Variants in PHTF2 observed in about 807,000 individuals in gnomAD.
The protein encoded by PHTF2 is putative homeodomain transcription factor 2.
In PHTF2, 60 loss-of-function variants were observed where a neutral mutation model predicts 101.2. The ratio of observed to expected loss-of-function variants is 0.59; its 90% CI spans 0.48 to 0.73. The LOEUF is 0.73. PHTF2 is among the 30% of genes least tolerant of loss of function. The pLI is 0.00. For synonymous variants in PHTF2, 311 were observed against 307.3 expected (o/e 1.01, Z -0.13); for missense variants, 747 against 908.7 (o/e 0.82, Z 2.29).
At chr7:77,863,062 T>C (rs948907756) in intron 3 of PHTF2, among the ~76,000 whole-genome samples, 6 of 152,224 alleles carry the variant, frequency 3.9e-5, no homozygotes, top group African/African-American at 1.2e-4. Context: ...GCTGAAGATA[T>C]ACAACCTAAA....
At chr7:77,850,699 TG>T (rs1263815092) in intron 2 of PHTF2, among the ~76,000 whole-genome samples, 6 of 151,534 alleles carry the variant, frequency 4.0e-5, no homozygotes, top group South Asian at 2.1e-4. Flanking sequence ...GTGGGGGCTT[TG>T]GGGGGAAAAA....
chr7:77,956,796 AT>A (rs1425751876), exon 20 of PHTF2: 2 of 152,538 alleles, frequency 1.3e-5, no homozygotes, highest in African/African-American at 4.8e-5. Flanking sequence ...AAAAAATCTT[AT>A]TTCAGAATGG....
intron 1 of PHTF2, among the ~76,000 whole-genome samples, chr7:77,830,786 A>G (rs1256706404): frequency 2.6e-5 from 4 of 152,332 alleles, no homozygotes; most frequent in African/African-American, 9.6e-5. Context: ...ATCTGGTGAC[A>G]GGCTTTAAGT....
chr7:77,813,358 T>G (rs1449844184), intron 1 of PHTF2, among the ~76,000 whole-genome samples: 1 of 152,228 alleles, frequency 6.6e-6, no homozygotes, highest in Non-Finnish European at 1.5e-5. Context: ...TCAGCTGTGC[T>G]TTATACTACC....
chr7:77,909,097 C>T, intron 8 of PHTF2, 139 bp downstream of exon 7: 2 of 508,110 alleles, frequency 3.9e-6, no homozygotes, highest in Non-Finnish European at 3.4e-6. Flanking sequence ...GCTTCAGAAT[C>T]AATTACCAGA....
At position 77,949,764 on chromosome 7, in the gene PHTF2, A is replaced by G. The variant is rs200105403; in HGVS notation, c.2046A>G (p.Leu682=). 4.5e-6 allele frequency: 7 copies of G among 1,544,034 alleles called. No homozygotes were observed. In the East Asian group the frequency reaches 1.1e-4, roughly 25 times the overall value. The change falls in exon 17 of 20, where the codon CTA becomes CTG. Residue 682 remains leucine, a synonymous_variant. Transcript: ENST00000416283. ...GCATCTCGTTAACACTTTTTCTCCT[A>G]AGATTTGTTACCCTTGGATCAGAAA... is the stretch of plus-strand genomic sequence containing the variant.
chr7:77,889,189 G>A (rs1395985969), intron 3 of PHTF2, among the ~76,000 whole-genome samples: 1 of 152,138 alleles, frequency 6.6e-6, no homozygotes, highest in Non-Finnish European at 1.5e-5. Context: ...GTAGAATTAT[G>A]TTTCATTCAG....
chr7:77,840,366 A>G, intron 2 of PHTF2, 66 bp downstream of exon 2: 1 of 939,126 alleles, frequency 1.1e-6, no homozygotes, highest in Non-Finnish European at 1.7e-6. Flanking sequence ...TGTTTATTTC[A>G]TGCTATAGAT....
At chr7:77,806,700 G>A (rs1022383721) in intron 1 of PHTF2, among the ~76,000 whole-genome samples, 3 of 151,908 alleles carry the variant, frequency 2.0e-5, no homozygotes, top group Admixed American at 6.6e-5. Context: ...TAAGTCTATC[G>A]TCTTGCTATT....
chr7:77,911,202 A>T (rs533384145), intron 9 of PHTF2, among the ~76,000 whole-genome samples: 1 of 151,546 alleles, frequency 6.6e-6, no homozygotes, highest in South Asian at 2.1e-4. Context: ...TTTGCATACA[A>T]CTATACAAAA....
chr7:77,904,707 T>TA (rs1285691573), intron 7 of PHTF2, among the ~76,000 whole-genome samples: 5 of 152,218 alleles, frequency 3.3e-5, no homozygotes, highest in African/African-American at 1.2e-4. Context: ...TTTAAGGCCT[T>TA]ACACTTACGA....
At chr7:77,803,839 A>G (rs1226364827) in intron 1 of PHTF2, among the ~76,000 whole-genome samples, 1 of 152,118 alleles carries the variant, frequency 6.6e-6, no homozygotes, top group African/African-American at 2.4e-5. Flanking sequence ...TTGAATAATC[A>G]TTTTACCCAC....
At chr7:77,926,689 G>A (rs773094001) in intron 11 of PHTF2, among the ~76,000 whole-genome samples, 2 of 151,986 alleles carry the variant, frequency 1.3e-5, no homozygotes, top group African/African-American at 2.4e-5. Flanking sequence ...AATATTGGCC[G>A]CACATTCAGT....
chr7:77,829,305 ATCT>A (rs1326557539), intron 1 of PHTF2, among the ~76,000 whole-genome samples: 1 of 152,240 alleles, frequency 6.6e-6, no homozygotes, highest in South Asian at 2.1e-4. Flanking sequence ...ATTATGTATC[ATCT>A]TCTAGCCCAA....
intron 4 of PHTF2, 110 bp downstream of exon 3, chr7:77,893,774 A>T: frequency 1.6e-6 from 1 of 616,838 alleles, no homozygotes; most frequent in Non-Finnish European, 2.8e-6. Context: ...TTACTATTCT[A>T]TTGAAGCTTT....
At chr7:77,919,646 A>G (rs1053615320) in intron 9 of PHTF2, among the ~76,000 whole-genome samples, 1 of 152,148 alleles carries the variant, frequency 6.6e-6, no homozygotes, top group Admixed American at 6.5e-5. Flanking sequence ...AAATTCCTCA[A>G]TTCTAGCCCT....
chr7:77,856,431 C>T (rs1273808652), intron 3 of PHTF2, among the ~76,000 whole-genome samples: 1 of 152,112 alleles, frequency 6.6e-6, no homozygotes, highest in Non-Finnish European at 1.5e-5. Flanking sequence ...TCATATCTCA[C>T]TGTAACCTAG....
At position 77,840,219 on chromosome 7, in the gene PHTF2, A is replaced by C; in HGVS notation, c.-35-2A>C. ...ATTTGTATGTTTTTCTCTCTTGCAC[A>C]GCCTAAAATGACCAATGTGTGATTT... On this transcript the variant is annotated splice_acceptor_variant, in intron 1 of 19. Transcript: ENST00000416283. LOFTEE classifies it low-confidence loss of function (5UTR_SPLICE). The C allele has an allele frequency of 6.6e-7, 1 of 1,507,986 alleles. No homozygotes were observed. The highest frequency in any genetic ancestry group is 9.2e-7 in the Non-Finnish European group (1 of 1,084,080). 93.4% of individuals were successfully genotyped at this position (1,507,986 alleles called of 1,614,324 possible).
intron 9 of PHTF2, among the ~76,000 whole-genome samples, chr7:77,915,746 G>T (rs529929735): frequency 6.6e-6 from 1 of 152,226 alleles, no homozygotes; most frequent in South Asian, 2.1e-4. Flanking sequence ...CTTGCCAAGG[G>T]TGTTGCTAAG....
Sources: allele counts gnomAD v4.1 joint callset (sites outside exome capture counted in the v4.1 genomes callset), GRCh38; gene constraint gnomAD v4.1.1; transcripts MANE v1.5; gene names NCBI Gene and HGNC (gene_info 2026-07-23, HGNC 2026-07-21).